XYLB: variants seen among roughly 807,000 people sequenced by gnomAD.
XYLB encodes the protein xylulose kinase.
In XYLB, 62 loss-of-function variants were observed where a neutral mutation model predicts 78.7. The observed-to-expected ratio is 0.79, with a 90% CI of 0.64 to 0.97. The LOEUF (loss-of-function observed/expected upper bound fraction) is 0.97, where lower values mean the gene tolerates loss of function less well. Among genes scored for constraint, XYLB ranks in the 50% least tolerant of loss-of-function variants. XYLB has a pLI of 0.00. For synonymous variants in XYLB, 245 were observed against 247.4 expected, an observed-to-expected ratio of 0.99 and a Z score of 0.09; for missense variants, 687 against 676.8, an observed-to-expected ratio of 1.02 and a Z score of -0.17.
intron 3 of XYLB, 133 bp downstream of exon 3, chr3:38,360,541 A>T: frequency 1.4e-5 from 10 of 726,940 alleles, no homozygotes; most frequent in Admixed American, 5.8e-5. Context: ...GGGAAGGTGG[A>T]GTTGGCATGA....
chr3:38,419,338 A>C (rs1033521940), downstream of XYLB, among the ~76,000 whole-genome samples: 2 of 151,780 alleles, frequency 1.3e-5, no homozygotes, highest in African/African-American at 4.8e-5. Context: ...AGTTGTTTTC[A>C]CCTTTTGGTG....
In XYLB at chr3:38,374,470, G is replaced by A. The variant is rs146836764; in HGVS notation, c.856G>A (p.Ala286Thr). 2.2e-5 allele frequency: 35 copies of A among 1,613,914 alleles called. No individual in the cohort carries two copies. The Admixed American group carries it at 5.2e-4, about 24-fold the overall frequency. Residue 286 changes from alanine to threonine, a missense_variant, in exon 11 of 19, where the codon GCA becomes ACA. Ala to Thr is a moderately conservative substitution (Grantham distance 58, BLOSUM62 0). Coordinates refer to ENST00000207870, the MANE Select transcript of XYLB (RefSeq NM_005108.4). ...TCCCCTCCCATTCTCAGCGTCGCTG[G>A]CAGGCATGAGACTGGAGGAAGGTGA... Reference protein sequence around the residue: ...AFTGDNPASLAGMRLEEGDIA... With the variant: ...AFTGDNPASLTGMRLEEGDIA...
At chr3:38,351,288 T>C (rs1032881684) in intron 2 of XYLB, among the ~76,000 whole-genome samples, 1 of 150,736 alleles carries the variant, frequency 6.6e-6, no homozygotes, top group African/African-American at 2.4e-5. Context: ...TCTGAGAACA[T>C]ACCCTATATG....
At chr3:38,373,104 C>G (rs1706660641) in intron 10 of XYLB, among the ~76,000 whole-genome samples, 1 of 152,190 alleles carries the variant, frequency 6.6e-6, no homozygotes. Context: ...TTCCTCCAAC[C>G]CTTCCTCTAG....
At position 38,374,519 on chromosome 3, in the gene XYLB, C is replaced by T; in HGVS notation, c.888+17C>T. On this transcript the variant is annotated intron_variant, in intron 11 of 18. Transcript: ENST00000207870. ...GACATTGCGGTAAGGCGACTTCCCA[C>T]ACCCATAGGCTCTTTCTGTTTCCAC... 6.2e-7 allele frequency: 1 copy of T among 1,613,620 alleles called. No homozygotes were observed. The highest frequency in any genetic ancestry group is 2.2e-5 in the East Asian group (1 of 44,764).
At chr3:38,385,566 T>A (rs1463226649) in intron 15 of XYLB, among the ~76,000 whole-genome samples, 1 of 152,232 alleles carries the variant, frequency 6.6e-6, no homozygotes, top group Non-Finnish European at 1.5e-5. Context: ...ATGCTACATG[T>A]TAACTTTATT....
chr3:38,394,897 T>C (rs989612739), intron 15 of XYLB, among the ~76,000 whole-genome samples: 4 of 152,192 alleles, frequency 2.6e-5, no homozygotes, highest in African/African-American at 9.6e-5. Context: ...CTAGGGCTGC[T>C]TGAGTGTCTT....
At chr3:38,364,755 GACTCA>G (rs1706157847) in intron 4 of XYLB, among the ~76,000 whole-genome samples, 3 of 151,932 alleles carry the variant, frequency 2.0e-5, no homozygotes, top group Admixed American at 2.0e-4. Flanking sequence ...CCTTTTCCCT[GACTCA>G]ACTCCAGTAG....
At chr3:38,405,371 TAAA>T (rs1192762406) in intron 18 of XYLB, among the ~76,000 whole-genome samples, 6 of 94,654 alleles carry the variant, frequency 6.3e-5, no homozygotes, top group Non-Finnish European at 4.3e-5. Flanking sequence ...CTCATCTCTT[TAAA>T]AAAAAAAAAA....
At chr3:38,370,442 A>G (rs1706497490) in intron 9 of XYLB, among the ~76,000 whole-genome samples, 1 of 152,214 alleles carries the variant, frequency 6.6e-6, no homozygotes, top group African/African-American at 2.4e-5. Flanking sequence ...TTATTAGAAT[A>G]GGGATAAAAA....
At chr3:38,424,571 G>A (rs182029298), downstream of XYLB, among the ~76,000 whole-genome samples, 1 of 152,284 alleles carries the variant, frequency 6.6e-6, no homozygotes, top group East Asian at 1.9e-4. Context: ...GATGGGTCTA[G>A]TAATGGTGAA....
chr3:38,433,807 G>C, the XYLB span, among the ~76,000 whole-genome samples: 1 of 152,128 alleles, frequency 6.6e-6, no homozygotes, highest in Non-Finnish European at 1.5e-5. Context: ...AAACCATTCT[G>C]ACCTCTGCCT....
chr3:38,352,953 G>A (rs7372922), intron 2 of XYLB, among the ~76,000 whole-genome samples: 4 of 152,146 alleles, frequency 2.6e-5, no homozygotes, highest in African/African-American at 9.7e-5. Flanking sequence ...GGATGGTCTC[G>A]ATCTCCCAAC....
downstream of XYLB, among the ~76,000 whole-genome samples, chr3:38,417,690 G>C (rs1456731197): frequency 6.6e-6 from 1 of 151,906 alleles, no homozygotes; most frequent in East Asian, 1.9e-4. Context: ...GACCAGCCTG[G>C]TCAAAATGGT....
the XYLB span, among the ~76,000 whole-genome samples, chr3:38,439,548 G>A: frequency 6.6e-6 from 1 of 152,134 alleles, no homozygotes; most frequent in African/African-American, 2.4e-5. Context: ...AGATCACAAG[G>A]TCAGGAGATC....
At chr3:38,371,194 C>G (rs532771443) in intron 9 of XYLB, among the ~76,000 whole-genome samples, 1 of 152,228 alleles carries the variant, frequency 6.6e-6, no homozygotes, top group South Asian at 2.1e-4. Context: ...CGGCAGCCAC[C>G]AACTCCTGGG....
At chr3:38,428,340 T>A in the XYLB span, among the ~76,000 whole-genome samples, 1 of 152,226 alleles carries the variant, frequency 6.6e-6, no homozygotes, top group Non-Finnish European at 1.5e-5. Context: ...TCGAATTAGA[T>A]TGATGGTGTT....
intron 15 of XYLB, among the ~76,000 whole-genome samples, chr3:38,393,072 C>G (rs1056477591): frequency 6.6e-6 from 1 of 152,146 alleles, no homozygotes; most frequent in Non-Finnish European, 1.5e-5. Context: ...TCTGTTTTAC[C>G]CCATTACTTG....
the XYLB span, chr3:38,451,125 T>C: frequency 6.6e-6 from 1 of 152,162 alleles, no homozygotes; most frequent in Non-Finnish European, 1.5e-5. Context: ...AGGGTTTATA[T>C]AGCAGGAAAG....
Sources: allele counts gnomAD v4.1 joint callset (sites outside exome capture counted in the v4.1 genomes callset), GRCh38; gene constraint gnomAD v4.1.1; transcripts MANE v1.5; gene names NCBI Gene and HGNC (gene_info 2026-07-23, HGNC 2026-07-21).